Variants in SLA2 observed in about 807,000 individuals in gnomAD.
SLA2 encodes the protein Src like adaptor 2.
In SLA2, 22 loss-of-function variants were observed where a neutral mutation model predicts 27.3. The observed-to-expected ratio is 0.81, with a 90% confidence interval of 0.58 to 1.15. SLA2 has a LOEUF of 1.15. Ranked by LOEUF, SLA2 falls within the 50% of genes most tolerant of loss-of-function variation. The pLI, the probability that SLA2 is intolerant of heterozygous loss-of-function variation, is 0.00. For missense variants in SLA2, 304 were observed against 322.2 expected (o/e 0.94, Z 0.43); for synonymous variants, 131 against 137.8 (o/e 0.95, Z 0.34).
At chr20:36,614,879 G>A (rs2039189617) in intron 6 of SLA2, 1 of 985,306 alleles carries the variant, frequency 1.0e-6, no homozygotes, top group African/African-American at 1.7e-5. Context: ...GCACCAGGAA[G>A]TACTAAGGAG....
chr20:36,641,771 C>A (rs2039509019), intron 1 of SLA2, among the ~76,000 whole-genome samples: 2 of 151,948 alleles, frequency 1.3e-5, no homozygotes, highest in Non-Finnish European at 2.9e-5. Flanking sequence ...CTTTCTCTGA[C>A]CCGGGATCAC....
chr20:36,619,507 T>TA (rs2039256175), intron 5 of SLA2, among the ~76,000 whole-genome samples: 2 of 149,466 alleles, frequency 1.3e-5, no homozygotes, highest in African/African-American at 4.9e-5. Context: ...GCCTGGGCAA[T>TA]ATAGCAAGAC....
intron 1 of SLA2, among the ~76,000 whole-genome samples, chr20:36,644,714 C>T (rs764935925): frequency 2.6e-4 from 39 of 152,248 alleles, no homozygotes; most frequent in Non-Finnish European, 4.4e-4. Flanking sequence ...GAGTATTAGC[C>T]GCACATTTTG....
chr20:36,626,619 G>A (rs1003875309), intron 5 of SLA2, among the ~76,000 whole-genome samples: 2 of 151,610 alleles, frequency 1.3e-5, no homozygotes, highest in Non-Finnish European at 2.9e-5. Context: ...AGGCCCAGAC[G>A]GGCAGATCAC....
chr20:36,619,341 C>T (rs2039253653), intron 5 of SLA2, among the ~76,000 whole-genome samples: 1 of 150,702 alleles, frequency 6.6e-6, no homozygotes. Flanking sequence ...GCCTGGCCAA[C>T]ATGGTGAAAC....
rs1463404913 is a variant in SLA2 at position 36,614,696 on chromosome 20, G to A, written c.533-259C>T. 8.1e-6 allele frequency: 8 copies of A among 985,296 alleles called. No homozygotes were observed. In the African/African-American group the frequency reaches 1.4e-4, roughly 17 times the overall value. 61.0% of individuals were successfully genotyped at this position (985,296 alleles called of 1,614,324 possible). On this transcript the variant is annotated intron_variant, in intron 6 of 7. Coordinates refer to ENST00000262866, the MANE Select transcript of SLA2 (RefSeq NM_032214.4). ...AGCTCAAGTTTCTGGTTAGGAAATT[G>A]CTTTGGGAAGAAGAAAGCTAAGGAA...
Position 36,641,295 on chromosome 20 carries a change from GGGCTT to G in SLA2, c.36_40del (p.Ser13LysfsTer50). On this transcript the variant is annotated frameshift_variant, in exon 2 of 8. Transcript: ENST00000262866. LOFTEE classifies it high-confidence loss of function. ...GCCTTGGACAGAGGAACTCAAGCTT[GGGCTT>G]GGCAGAGATTTTCTTCTGCTGGGCA... The G allele has an allele frequency of 1.9e-6, 3 of 1,614,100 alleles. No homozygotes were observed. Among genetic ancestry groups the G allele is most frequent in the Non-Finnish European group, 2.5e-6 (3 of 1,179,974 alleles).
At chr20:36,638,363 C>G (rs188869679) in intron 2 of SLA2, among the ~76,000 whole-genome samples, 3 of 152,056 alleles carry the variant, frequency 2.0e-5, no homozygotes, top group African/African-American at 7.2e-5. Flanking sequence ...GAGTCTTGCT[C>G]TGTCCCCCAG....
intron 5 of SLA2, among the ~76,000 whole-genome samples, chr20:36,629,497 G>A (rs2039372513): frequency 1.4e-5 from 2 of 147,340 alleles, no homozygotes; most frequent in South Asian, 4.2e-4. Context: ...AAAATAGTCC[G>A]GTGCAGTGCC....
chr20:36,640,848 G>C, intron 2 of SLA2, among the ~76,000 whole-genome samples: 1 of 152,140 alleles, frequency 6.6e-6, no homozygotes, highest in East Asian at 1.9e-4. Flanking sequence ...AAGCAGTTAC[G>C]TGTGGCTGGT....
At chr20:36,634,959 C>G (rs1275652346) in intron 2 of SLA2, among the ~76,000 whole-genome samples, 1 of 152,154 alleles carries the variant, frequency 6.6e-6, no homozygotes, top group Non-Finnish European at 1.5e-5. Flanking sequence ...TCCTGAGTGG[C>G]TGGGACTACA....
chr20:36,617,967 G>A (rs1442258309), intron 5 of SLA2, among the ~76,000 whole-genome samples: 1 of 150,778 alleles, frequency 6.6e-6, no homozygotes, highest in Non-Finnish European at 1.5e-5. Flanking sequence ...CTAACACGGT[G>A]AAACCCTGGC....
chr20:36,629,035 C>T (rs1159364083), intron 5 of SLA2, among the ~76,000 whole-genome samples: 2 of 151,808 alleles, frequency 1.3e-5, no homozygotes, highest in Admixed American at 6.6e-5. Context: ...CTATGGGGAC[C>T]TGGAGACCTT....
chr20:36,630,007 T>G (rs2147989331), intron 5 of SLA2, among the ~76,000 whole-genome samples: 1 of 152,130 alleles, frequency 6.6e-6, no homozygotes, highest in Non-Finnish European at 1.5e-5. Context: ...CATCTGTGTC[T>G]TTTTAGGTAA....
chr20:36,642,593 G>GT (rs961151754), intron 1 of SLA2, among the ~76,000 whole-genome samples: 12 of 151,866 alleles, frequency 7.9e-5, no homozygotes, highest in African/African-American at 2.7e-4. Flanking sequence ...GTTTTGTTTT[G>GT]TTTTTTTAAT....
chr20:36,640,315 C>T (rs1003821706), intron 2 of SLA2, among the ~76,000 whole-genome samples: 1 of 151,900 alleles, frequency 6.6e-6, no homozygotes, highest in Non-Finnish European at 1.5e-5. Context: ...TATATATATA[C>T]CACAAAAATA....
At chr20:36,628,747 G>A (rs2039364359) in intron 5 of SLA2, among the ~76,000 whole-genome samples, 1 of 151,446 alleles carries the variant, frequency 6.6e-6, no homozygotes, top group Admixed American at 6.6e-5. Context: ...AAGAGATGGG[G>A]GTCTCCCTTT....
chr20:36,619,582 A>T (rs2039257268), intron 5 of SLA2, among the ~76,000 whole-genome samples: 1 of 151,356 alleles, frequency 6.6e-6, no homozygotes, highest in African/African-American at 2.4e-5. Context: ...AGAATTAAAG[A>T]CCAGCCTGGT....
chr20:36,634,394 C>G, intron 3 of SLA2, 96 bp downstream of exon 3: 1 of 927,236 alleles, frequency 1.1e-6, no homozygotes, highest in South Asian at 1.7e-5. Context: ...AGCGATTCTC[C>G]CACCTAAGCC....
Sources: gnomAD v4.1 joint callset for allele counts (sites outside exome capture counted in the v4.1 genomes callset) on GRCh38, gnomAD v4.1.1 for gene constraint, MANE v1.5 for transcripts, NCBI Gene and HGNC (gene_info 2026-07-23, HGNC 2026-07-21) for gene names.